The following SIM2 variants were observed in gnomAD, a reference collection of about 807,000 sequenced individuals.
SIM2 encodes the protein single-minded homolog 2.
Under a neutral mutation model 64.8 loss-of-function variants are expected in SIM2, and 28 were observed. That is an observed-to-expected ratio of 0.43 (90% CI 0.32 to 0.59). The LOEUF is 0.59. Ranked by LOEUF, SIM2 falls within the 20% of genes least tolerant of loss-of-function variation. The pLI, the probability that SIM2 is intolerant of heterozygous loss-of-function variation, is 0.07. For synonymous variants in SIM2, 408 were observed against 391.1 expected (o/e 1.04, Z -0.51); for missense variants, 847 against 871.4 (o/e 0.97, Z 0.35).
rs1266268454 is a variant in SIM2, at chr21:36,744,923, A to G, written c.1363A>G (p.Ser455Gly). 6.2e-7 allele frequency: 1 copy of G among 1,614,142 alleles called. No homozygotes were observed. The highest frequency in any genetic ancestry group is 2.2e-5 in the East Asian group (1 of 44,896). Residue 455 changes from serine to glycine, a missense_variant, in exon 10 of 11, where the codon AGC becomes GGC. Physicochemically the swap from Ser to Gly is moderately conservative, Grantham distance 56. Coordinates refer to ENST00000290399, the MANE Select transcript of SIM2 (RefSeq NM_005069.6). ...CTTCCCTCTGGACTCTCACGTCTTC[A>G]GCAGCAAAAAGCCAATGTTGCCGGC... ...GHFPLDSHVF[S>G]SKKPMLPAKF...
In SIM2 at chr21:36,719,844, T is replaced by G. The variant is rs1466628189; in HGVS notation, c.372T>G (p.Ile124Met). ...LSQVELTGNS[I>M]YEYIHPSDHD... ...AGGTGGAGCTCACGGGCAACAGTAT[T>G]TATGAATACATCCATCCTTCTGACC... Residue 124 changes from isoleucine to methionine, a missense_variant, in exon 4 of 11, where the codon ATT becomes ATG. Coordinates refer to ENST00000290399, the MANE Select transcript of SIM2 (RefSeq NM_005069.6). The G allele has an allele frequency of 6.2e-7, 1 of 1,612,726 alleles. No homozygotes were observed. The highest frequency in any genetic ancestry group is 1.1e-5 in the South Asian group (1 of 91,040).
intron 2 of SIM2, among the ~76,000 whole-genome samples, chr21:36,711,091 A>G (rs1270922132): frequency 6.6e-6 from 1 of 152,210 alleles, no homozygotes; most frequent in African/African-American, 2.4e-5. Flanking sequence ...GAATTAGGCC[A>G]TTTGAAGCTA....
intron 3 of SIM2, among the ~76,000 whole-genome samples, chr21:36,714,880 G>T (rs2088725358): frequency 6.6e-6 from 1 of 152,214 alleles, no homozygotes; most frequent in African/African-American, 2.4e-5. Flanking sequence ...AATCCAGGCA[G>T]CCTCACAAGT....
chr21:36,722,956 TG>T, intron 4 of SIM2, 88 bp from the exon 5 acceptor site: 1 of 993,330 alleles, frequency 1.0e-6, no homozygotes, highest in Non-Finnish European at 1.6e-6. Flanking sequence ...GTGCTGCATC[TG>T]GCCCTGGGAA....
chr21:36,720,796 G>T (rs541811944), intron 4 of SIM2, among the ~76,000 whole-genome samples: 2 of 152,336 alleles, frequency 1.3e-5, no homozygotes, highest in East Asian at 1.9e-4. Context: ...GATACAGAAG[G>T]ACTTATTCCA....
In SIM2 at chr21:36,743,378, G is replaced by A. The variant is rs376777271; in HGVS notation, c.999-9G>A. 1.0e-5 allele frequency: 16 copies of A among 1,606,824 alleles called. No homozygotes were observed. The highest frequency in any genetic ancestry group is 6.8e-5 in the Admixed American group (4 of 58,676). On this transcript the variant is annotated splice_polypyrimidine_tract_variant and intron_variant, in intron 8 of 10. Coordinates refer to ENST00000290399, the MANE Select transcript of SIM2 (RefSeq NM_005069.6). Reference sequence around the variant, plus strand: ...GCTGGACATGACTCGGCCCACTCTCGCCTTCCAGGGAGATTGAATACAAGG... The same window carrying A: ...GCTGGACATGACTCGGCCCACTCTCACCTTCCAGGGAGATTGAATACAAGG...
At chr21:36,723,269 A>G in intron 5 of SIM2, 139 bp downstream of exon 5, 1 of 696,440 alleles carries the variant, frequency 1.4e-6, no homozygotes, top group South Asian at 1.6e-5. Context: ...AACGTGGTGC[A>G]CAGTCTCTTG....
intron 8 of SIM2, among the ~76,000 whole-genome samples, chr21:36,742,761 G>A (rs922116928): frequency 2.6e-5 from 4 of 152,162 alleles, no homozygotes; most frequent in African/African-American, 9.7e-5. Context: ...TTTGTTCATA[G>A]AATGACTGTG....
chr21:36,707,942 G>GGGGGTT (rs1165095167), intron 1 of SIM2, among the ~76,000 whole-genome samples: 2 of 152,220 alleles, frequency 1.3e-5, no homozygotes, highest in African/African-American at 4.8e-5. Flanking sequence ...GACGGCAGTG[G>GGGGGTT]GGGGCTGGGG....
intron 7 of SIM2, among the ~76,000 whole-genome samples, chr21:36,736,777 T>G (rs1213765463): frequency 9.2e-6 from 1 of 108,510 alleles, no homozygotes; most frequent in East Asian, 2.7e-4. Context: ...TTCTTCTTTC[T>G]TTCTTTTCCT....
chr21:36,703,962 C>T (rs1010881085), intron 1 of SIM2, among the ~76,000 whole-genome samples: 3 of 152,360 alleles, frequency 2.0e-5, no homozygotes, highest in Non-Finnish European at 4.4e-5. Context: ...CAGGCTGGTC[C>T]CAGGACTCAG....
At chr21:36,737,473 G>T (rs558063179) in intron 7 of SIM2, among the ~76,000 whole-genome samples, 2 of 152,224 alleles carry the variant, frequency 1.3e-5, no homozygotes, top group African/African-American at 4.8e-5. Context: ...CTCAGGGGGG[G>T]CTGAGCACAG....
rs34199997 is a variant in SIM2 at position 36,747,096 on chromosome 21, T to TG, written c.1577-568dup. ...AGCTACTTAATGTCAGGCATCGGAC[T>TG]GAGTAGATGGGAGTGGTTATTTTTC... On this transcript the variant is annotated intron_variant, in intron 10 of 10. Coordinates refer to ENST00000290399, the MANE Select transcript of SIM2 (RefSeq NM_005069.6). This position sits in a 1 kb window ranked among gnomAD's most constrained non-coding sequence, Gnocchi z 4.5. 0.27 allele frequency among the ~76,000 whole-genome samples: 41,415 copies of TG among 151,884 alleles called. 6,093 individuals are homozygous for TG. The highest frequency in any genetic ancestry group is 0.39 in the Middle Eastern group (114 of 292).
Position 36,745,091 on chromosome 21 carries a change from C to G in SIM2, c.1531C>G (p.Pro511Ala), listed in dbSNP as rs367607207. Reference protein sequence around the residue: ...SSSPAKNPPEPPANTARHSLV... With the variant: ...SSSPAKNPPEAPANTARHSLV... Reference sequence around the variant, plus strand: ...GTCTCCAGCTAAAAATCCTCCAGAGCCACCGGCGAACACTGCTAGGCACAG... The same window carrying G: ...GTCTCCAGCTAAAAATCCTCCAGAGGCACCGGCGAACACTGCTAGGCACAG... The change falls in exon 10 of 11, where the codon CCA (proline) becomes GCA (alanine). Residue 511 changes from proline (P) to alanine (A), a missense_variant. Coordinates refer to ENST00000290399, the MANE Select transcript of SIM2 (RefSeq NM_005069.6). The surrounding 1 kb of genome is among the most constrained non-coding windows in gnomAD (Gnocchi z 4.8). 3 of 1,612,818 alleles carry G rather than the reference C, an allele frequency of 1.9e-6. No homozygotes were observed. The highest frequency in any genetic ancestry group is 2.5e-6 in the Non-Finnish European group (3 of 1,179,126).
At chr21:36,739,521 T>A (rs542580513) in intron 7 of SIM2, among the ~76,000 whole-genome samples, 1 of 152,332 alleles carries the variant, frequency 6.6e-6, no homozygotes, top group African/African-American at 2.4e-5. Flanking sequence ...TCCCTACCGT[T>A]GAAGAGTTAA....
At chr21:36,709,354 C>G in intron 2 of SIM2, 104 bp downstream of exon 2, 1 of 936,720 alleles carries the variant, frequency 1.1e-6, no homozygotes, top group Non-Finnish European at 1.7e-6. Context: ...CCAGGCAGAT[C>G]CAGAGGCTGC....
In SIM2 at chr21:36,734,143, A is replaced by G. The variant is rs557313918; in HGVS notation, c.850+2992A>G. Among the ~76,000 whole-genome samples, 214 of 152,204 alleles carry G rather than the reference A, an allele frequency of 1.4e-3. 1 individual carries two copies. The highest frequency in any genetic ancestry group is 5.1e-3 in the African/African-American group (210 of 41,536). ...AGCCGTCACCACCACACCACACCAC[A>G]CCACGGGGCTTAACCTTGGAGATGT... On this transcript the variant is annotated intron_variant, in intron 7 of 10. Coordinates refer to ENST00000290399, the MANE Select transcript of SIM2 (RefSeq NM_005069.6).
chr21:36,703,479 G>A (rs147577309), intron 1 of SIM2, among the ~76,000 whole-genome samples: 1 of 152,324 alleles, frequency 6.6e-6, no homozygotes, highest in African/African-American at 2.4e-5. Flanking sequence ...CTTCCTGTGA[G>A]CTCCCCATAT....
intron 6 of SIM2, among the ~76,000 whole-genome samples, chr21:36,727,072 C>T (rs1267503120): frequency 6.6e-6 from 1 of 152,164 alleles, no homozygotes; most frequent in Non-Finnish European, 1.5e-5. Flanking sequence ...GAGTTCCGCT[C>T]TTTTGCCCAG....
Sources: allele counts gnomAD v4.1 joint callset (sites outside exome capture counted in the v4.1 genomes callset), GRCh38; gene constraint gnomAD v4.1.1; non-coding constraint Gnocchi (gnomAD v3.1); transcripts MANE v1.5; gene names NCBI Gene and HGNC (gene_info 2026-07-23, HGNC 2026-07-21).